Variants in EPHA6 observed in about 807,000 individuals in gnomAD.
The protein encoded by EPHA6 is ephrin type-A receptor 6.
In EPHA6, 50 loss-of-function variants were observed where a neutral mutation model predicts 112.0. The observed-to-expected ratio is 0.45, with a 90% CI of 0.36 to 0.56. EPHA6 has a LOEUF of 0.56. Among genes scored for constraint, EPHA6 ranks in the 20% least tolerant of loss-of-function variants. The pLI, the probability that EPHA6 is intolerant of heterozygous loss-of-function variation, is 0.00. For synonymous variants in EPHA6, 529 were observed against 490.7 expected, an observed-to-expected ratio of 1.08 and a Z score of -1.03; for missense variants, 1,280 against 1,417.4, an observed-to-expected ratio of 0.90 and a Z score of 1.56.
chr3:97,120,192 C>T (rs966507721), intron 3 of EPHA6, among the ~76,000 whole-genome samples: 3 of 151,910 alleles, frequency 2.0e-5, no homozygotes, highest in Non-Finnish European at 4.4e-5. Context: ...TTAGATGCTT[C>T]ACTTCTTTTT....
intron 2 of EPHA6, among the ~76,000 whole-genome samples, chr3:96,931,405 G>C (rs58700222): frequency 0.029 from 4,448 of 152,188 alleles, 208 homozygotes; most frequent in African/African-American, 0.1. Flanking sequence ...CCTAACCACA[G>C]AGATGGTGGC....
chr3:97,547,716 C>G (rs754209098), intron 11 of EPHA6, among the ~76,000 whole-genome samples: 8 of 152,208 alleles, frequency 5.3e-5, no homozygotes, highest in African/African-American at 1.9e-4. Flanking sequence ...CCACCCAGTT[C>G]GAGCTTCCCA....
intron 3 of EPHA6, among the ~76,000 whole-genome samples, chr3:97,145,469 TTA>T (rs1426506691): frequency 6.6e-6 from 1 of 151,472 alleles, no homozygotes; most frequent in Non-Finnish European, 1.5e-5. Context: ...TAAAAAATTT[TTA>T]TTTCTCTTGA....
intron 11 of EPHA6, among the ~76,000 whole-genome samples, chr3:97,585,523 C>G (rs1304168450): frequency 6.6e-6 from 1 of 152,140 alleles, no homozygotes; most frequent in East Asian, 1.9e-4. Flanking sequence ...TGAAACTGCA[C>G]TTTTTGCTTC....
At chr3:97,083,777 T>C (rs2046799336) in intron 3 of EPHA6, among the ~76,000 whole-genome samples, 1 of 151,826 alleles carries the variant, frequency 6.6e-6, no homozygotes, top group African/African-American at 2.4e-5. Context: ...CAGGCATATA[T>C]ACACAAAGAT....
Position 97,466,260 on chromosome 3 carries a change from A to AGATAGAAAT in EPHA6, c.1895-9092_1895-9091insGATAGAAAT, listed in dbSNP as rs2091049528. ...TGTTTATCATCAAAATCAAAAGATG[A>AGATAGAAAT]CAGTAAGGTTAGATAGAAAACATTC... On this transcript the variant is annotated intron_variant, in intron 7 of 17. Coordinates refer to ENST00000389672, the MANE Select transcript of EPHA6 (RefSeq NM_001080448.3). 2.7e-6 allele frequency: 3 copies of AGATAGAAAT among 1,108,678 alleles called. No individual in the cohort carries two copies. In the East Asian group the frequency reaches 7.1e-5, roughly 26 times the overall value. 68.7% of individuals were successfully genotyped at this position (1,108,678 alleles called of 1,614,324 possible). A position where few individuals can be genotyped will look rare whatever the true frequency, so the allele number is the denominator to read the frequency against.
At chr3:97,184,999 A>G (rs1471839331) in intron 3 of EPHA6, among the ~76,000 whole-genome samples, 3 of 152,208 alleles carry the variant, frequency 2.0e-5, no homozygotes, top group Admixed American at 6.5e-5. Context: ...TGCTGGGAAA[A>G]CTGGCTAGCC....
chr3:97,642,938 G>A (rs1309387447), intron 14 of EPHA6, among the ~76,000 whole-genome samples: 1 of 148,202 alleles, frequency 6.7e-6, no homozygotes. Flanking sequence ...GAAATACAGA[G>A]AACGCCACAA....
At chr3:97,108,681 G>C (rs2047636741) in intron 3 of EPHA6, among the ~76,000 whole-genome samples, 1 of 152,096 alleles carries the variant, frequency 6.6e-6, no homozygotes, top group South Asian at 2.1e-4. Flanking sequence ...ATCTTACAAG[G>C]TAGCCTATCT....
intron 3 of EPHA6, among the ~76,000 whole-genome samples, chr3:97,166,382 AT>A (rs1401625387): frequency 2.2e-4 from 33 of 148,718 alleles, no homozygotes; most frequent in Non-Finnish European, 4.1e-4. Flanking sequence ...AAAAAAAAAA[AT>A]AACAAACGTG....
intron 1 of EPHA6, among the ~76,000 whole-genome samples, chr3:96,866,396 A>T (rs7639541): frequency 0.25 from 38,175 of 151,864 alleles, 8,996 homozygotes; most frequent in African/African-American, 0.6. Context: ...CTTGGCTGAT[A>T]ATATATAAGG....
intron 14 of EPHA6, among the ~76,000 whole-genome samples, chr3:97,698,123 C>T (rs2033152010): frequency 6.6e-6 from 1 of 152,144 alleles, no homozygotes; most frequent in Non-Finnish European, 1.5e-5. Context: ...CTGCCTCAGC[C>T]TCCCGAGTAC....
intron 3 of EPHA6, among the ~76,000 whole-genome samples, chr3:97,181,857 C>T (rs1382569182): frequency 6.6e-6 from 1 of 152,054 alleles, no homozygotes; most frequent in African/African-American, 2.4e-5. Context: ...GTGTCACCTT[C>T]TTTTCGATGG....
intron 5 of EPHA6, among the ~76,000 whole-genome samples, chr3:97,369,781 T>C (rs1351070503): frequency 6.6e-6 from 1 of 152,206 alleles, no homozygotes; most frequent in Non-Finnish European, 1.5e-5. Context: ...ATATTTTGTA[T>C]GTGGTAAATA....
chr3:97,439,868 C>T lies in EPHA6; in HGVS notation c.1732-8700C>T, dbSNP rs529135733. Reference sequence around the variant, plus strand: ...AGCTGAAAGGTATCCTAATGTGTGTCGCTATGTCAAAGCAGAAATTTTAGT... The same window carrying T: ...AGCTGAAAGGTATCCTAATGTGTGTTGCTATGTCAAAGCAGAAATTTTAGT... On this transcript the variant is annotated intron_variant, in intron 6 of 17. Coordinates refer to ENST00000389672, the MANE Select transcript of EPHA6 (RefSeq NM_001080448.3). 1.9e-4 allele frequency among the ~76,000 whole-genome samples: 29 copies of T among 152,186 alleles called. No homozygotes were observed. In the South Asian group the frequency reaches 3.5e-3, roughly 18 times the overall value.
chr3:97,103,761 G>C (rs891612297), intron 3 of EPHA6, among the ~76,000 whole-genome samples: 1 of 152,074 alleles, frequency 6.6e-6, no homozygotes, highest in East Asian at 1.9e-4. Flanking sequence ...TAACAATTTT[G>C]ATTTCTCCTA....
At chr3:97,060,923 CAAAAA>C (rs71623565) in intron 3 of EPHA6, among the ~76,000 whole-genome samples, 528 of 21,178 alleles carry the variant, frequency 0.025, 17 homozygotes, top group Admixed American at 0.24. Flanking sequence ...GACTCCGTCT[CAAAAA>C]AAAAAAAAAA....
chr3:96,825,518 T>C (rs1388046926), intron 1 of EPHA6, among the ~76,000 whole-genome samples: 1 of 151,944 alleles, frequency 6.6e-6, no homozygotes, highest in African/African-American at 2.4e-5. Flanking sequence ...TTTATTGTTA[T>C]TTTCTCTTTC....
chr3:97,126,970 C>G (rs925149225), intron 3 of EPHA6, among the ~76,000 whole-genome samples: 2 of 148,348 alleles, frequency 1.3e-5, no homozygotes, highest in Non-Finnish European at 3.0e-5. Flanking sequence ...AACACAATAA[C>G]AAGGAAAAAG....
Sources: gnomAD v4.1 joint callset for allele counts (sites outside exome capture counted in the v4.1 genomes callset) on GRCh38, gnomAD v4.1.1 for gene constraint, MANE v1.5 for transcripts, NCBI Gene and HGNC (gene_info 2026-07-23, HGNC 2026-07-21) for gene names.